OSBPL9: variants seen among roughly 807,000 people sequenced by gnomAD.
The protein encoded by OSBPL9 is oxysterol binding protein like 9.
OSBPL9 carries 40 observed loss-of-function variants against 106.6 expected under a neutral mutation model. The observed-to-expected ratio is 0.38, with a 90% CI of 0.29 to 0.49. The LOEUF is 0.49. Among genes scored for constraint, OSBPL9 ranks in the 20% least tolerant of loss-of-function variants. The probability of loss-of-function intolerance (pLI) is 0.97; values close to 1 mark genes in which losing one functional copy is unlikely to be tolerated. For synonymous variants in OSBPL9, 269 were observed against 295.4 expected (o/e 0.91, Z 0.92); for missense variants, 609 against 887.2 (o/e 0.69, Z 3.98).
At chr1:51,718,889 T>C (rs552626746) in intron 4 of OSBPL9, among the ~76,000 whole-genome samples, 1 of 152,354 alleles carries the variant, frequency 6.6e-6, no homozygotes, top group African/African-American at 2.4e-5. Flanking sequence ...ATTCTTGCTC[T>C]TTCCCAAGGT....
intron 2 of OSBPL9, among the ~76,000 whole-genome samples, chr1:51,602,792 C>T (rs1645330905): frequency 6.6e-6 from 1 of 152,048 alleles, no homozygotes; most frequent in African/African-American, 2.4e-5. Flanking sequence ...TTTCTGTATC[C>T]TTAATGCCTG....
At chr1:51,618,789 G>T (rs12022714) in intron 1 of OSBPL9, among the ~76,000 whole-genome samples, 4,910 of 152,154 alleles carry the variant, frequency 0.032, 207 homozygotes, top group East Asian at 0.11. Context: ...GAAATCTGAG[G>T]CTCCAGGCTT....
At chr1:51,577,294 C>T (rs141086328) in intron 1 of OSBPL9, 9 of 151,698 alleles carry the variant, frequency 5.9e-5, no homozygotes, top group African/African-American at 1.9e-4. Flanking sequence ...TAAATTACCC[C>T]GTCTCAGGCA....
chr1:51,521,898 C>G, the OSBPL9 span, among the ~76,000 whole-genome samples: 1 of 152,078 alleles, frequency 6.6e-6, no homozygotes, highest in Non-Finnish European at 1.5e-5. Context: ...GCTAGGATTA[C>G]AGGCACCCGC....
chr1:51,539,125 T>C, the OSBPL9 span, among the ~76,000 whole-genome samples: 46 of 152,208 alleles, frequency 3.0e-4, no homozygotes, highest in Admixed American at 3.0e-3. Context: ...GTCTCCAAAA[T>C]GTGTAACCAA....
chr1:51,545,552 G>C, the OSBPL9 span, among the ~76,000 whole-genome samples: 2 of 152,196 alleles, frequency 1.3e-5, no homozygotes, highest in Non-Finnish European at 2.9e-5. Context: ...GCTGAGGTGA[G>C]AGGATAACTT....
rs902905678 is a variant in OSBPL9, at chr1:51,729,592, G to A, written c.318+15513G>A. On this transcript the variant is annotated intron_variant, in intron 4 of 23. Coordinates refer to ENST00000428468, the MANE Select transcript of OSBPL9 (RefSeq NM_024586.6). This position sits in a 1 kb window ranked among gnomAD's most constrained non-coding sequence, Gnocchi z 5.1. ...GCGGCTGGGTCGCGGGTCTGGGCGG[G>A]GCGCTCCGGACGCCCTCCCGCCGCT... 8 of 182,660 alleles carry A rather than the reference G, an allele frequency of 4.4e-5. No homozygotes were observed. Among genetic ancestry groups the A allele is most frequent in the Non-Finnish European group, 7.9e-5 (7 of 89,168 alleles). 11.3% of individuals were successfully genotyped at this position (182,660 alleles called of 1,614,324 possible).
intron 1 of OSBPL9, among the ~76,000 whole-genome samples, chr1:51,586,685 C>A (rs1645249453): frequency 6.6e-6 from 1 of 152,162 alleles, no homozygotes; most frequent in Non-Finnish European, 1.5e-5. Context: ...ACCAGCCAGG[C>A]CCCAGGTGCG....
At chr1:51,645,370 TG>T (rs1258198109) in intron 1 of OSBPL9, among the ~76,000 whole-genome samples, 2 of 152,216 alleles carry the variant, frequency 1.3e-5, no homozygotes, top group Non-Finnish European at 2.9e-5. Context: ...GTGCGAGTTC[TG>T]TATATATTCT....
chr1:51,744,314 G>T (rs982603086), intron 4 of OSBPL9, among the ~76,000 whole-genome samples: 1 of 152,112 alleles, frequency 6.6e-6, no homozygotes, highest in South Asian at 2.1e-4. Flanking sequence ...GAGGATGCCC[G>T]TATTTGGCTG....
chr1:51,652,606 A>C (rs1358668451), intron 2 of OSBPL9, among the ~76,000 whole-genome samples: 1 of 152,234 alleles, frequency 6.6e-6, no homozygotes. Flanking sequence ...AATAAAAAAA[A>C]ATTAAGATAT....
the OSBPL9 span, among the ~76,000 whole-genome samples, chr1:51,551,657 G>T: frequency 6.6e-6 from 1 of 151,968 alleles, no homozygotes; most frequent in Non-Finnish European, 1.5e-5. Context: ...TGTCATCTTG[G>T]CTCAATGCAA....
chr1:51,631,905 A>G (rs1271791970), intron 1 of OSBPL9, among the ~76,000 whole-genome samples: 1 of 152,176 alleles, frequency 6.6e-6, no homozygotes, highest in Middle Eastern at 3.2e-3. Flanking sequence ...AGTAAGATAC[A>G]AAAACATTAG....
chr1:51,750,282 T>C, intron 8 of OSBPL9, 87 bp downstream of exon 8: 1 of 851,954 alleles, frequency 1.2e-6, no homozygotes, highest in African/African-American at 1.7e-5. Context: ...AAAACTCAGA[T>C]CTGAAACATA....
intron 1 of OSBPL9, among the ~76,000 whole-genome samples, chr1:51,617,747 C>T (rs1164751950): frequency 6.6e-6 from 1 of 152,182 alleles, no homozygotes; most frequent in Non-Finnish European, 1.5e-5. Context: ...TCCGAAATCC[C>T]TCCAGTCGGT....
At position 51,643,920 on chromosome 1, in the gene OSBPL9, GA is replaced by G. The variant is rs931248365; in HGVS notation, c.112-8061del. Among the ~76,000 whole-genome samples, 21 of 147,262 alleles carry G rather than the reference GA, an allele frequency of 1.4e-4. No homozygotes were observed. In the East Asian group the frequency reaches 1.6e-3, roughly 11 times the overall value. ...CAAGGCGAAACCCCTTCTCTACAAGGAAAAAAAAAATTAGCTGGGTGTGGTG... is the reference window on the plus strand; with the variant it reads ...CAAGGCGAAACCCCTTCTCTACAAGGAAAAAAAAATTAGCTGGGTGTGGTG... On this transcript the variant is annotated intron_variant, in intron 1 of 23. Transcript: ENST00000428468.
the OSBPL9 span, among the ~76,000 whole-genome samples, chr1:51,527,616 A>T: frequency 3.4e-4 from 51 of 151,098 alleles, no homozygotes; most frequent in African/African-American, 1.1e-3. Flanking sequence ...CTGGTCTTGA[A>T]CTCCTGGACT....
At chr1:51,639,129 T>C (rs902139005) in intron 1 of OSBPL9, among the ~76,000 whole-genome samples, 4 of 152,236 alleles carry the variant, frequency 2.6e-5, no homozygotes, top group Admixed American at 1.3e-4. Flanking sequence ...AGTCTTTGCA[T>C]TTATTTACAG....
chr1:51,751,437 C>T (rs1669220152), intron 8 of OSBPL9, among the ~76,000 whole-genome samples: 1 of 151,948 alleles, frequency 6.6e-6, no homozygotes, highest in Non-Finnish European at 1.5e-5. Flanking sequence ...TCTAGATTTC[C>T]TATGTATGTG....
Sources: allele counts gnomAD v4.1 joint callset (sites outside exome capture counted in the v4.1 genomes callset), GRCh38; gene constraint gnomAD v4.1.1; non-coding constraint Gnocchi (gnomAD v3.1); transcripts MANE v1.5; gene names NCBI Gene and HGNC (gene_info 2026-07-23, HGNC 2026-07-21).